ARSG: variants seen among roughly 807,000 people sequenced by gnomAD.
ARSG encodes the protein ASG.
Under a neutral mutation model 50.5 loss-of-function variants are expected in ARSG, and 37 were observed. That is an observed-to-expected ratio of 0.73 (90% CI 0.56 to 0.96). The LOEUF is 0.96. Ranked by LOEUF, ARSG falls within the 50% of genes least tolerant of loss-of-function variation. The pLI is 0.00. For synonymous variants in ARSG, 225 were observed against 254.6 expected (o/e 0.88, Z 1.11); for missense variants, 629 against 675.3 (o/e 0.93, Z 0.76).
chr17:68,389,953 T>C (rs1160008003), intron 9 of ARSG, among the ~76,000 whole-genome samples: 1 of 151,620 alleles, frequency 6.6e-6, no homozygotes, highest in Non-Finnish European at 1.5e-5. Flanking sequence ...CCTGCACACC[T>C]TGGGGTCCAG....
intron 10 of ARSG, among the ~76,000 whole-genome samples, chr17:68,396,771 GGTT>G (rs1043983424): frequency 1.3e-5 from 2 of 152,148 alleles, no homozygotes; most frequent in Non-Finnish European, 2.9e-5. Flanking sequence ...AGTTTTTAGG[GGTT>G]GTTGGATGAA....
rs1382361899 is a variant in ARSG at position 68,401,350 on chromosome 17, C to T, written c.1213-10C>T. On this transcript the variant is annotated splice_polypyrimidine_tract_variant and intron_variant, in intron 10 of 11. Coordinates refer to ENST00000621439, the MANE Select transcript of ARSG (RefSeq NM_001267727.2). ...TTTTTCTATTAGTAAGCTCTGCCAC[C>T]CTTTCTCAGGTGCTGTTCCACCCCA... The T allele has an allele frequency of 3.1e-6, 5 of 1,613,154 alleles. No individual in the cohort carries two copies. In the African/African-American group the frequency reaches 6.7e-5, roughly 22 times the overall value.
At chr17:68,296,702 A>G (rs1555758367) in intron 1 of ARSG, among the ~76,000 whole-genome samples, 1 of 152,180 alleles carries the variant, frequency 6.6e-6, no homozygotes, top group East Asian at 1.9e-4. Context: ...CTGCTCATCC[A>G]TAGCCCACTC....
chr17:68,277,635 G>T (rs2075567141), intron 1 of ARSG, among the ~76,000 whole-genome samples: 1 of 152,064 alleles, frequency 6.6e-6, no homozygotes, highest in African/African-American at 2.4e-5. Flanking sequence ...TCGCCATGTT[G>T]GCCAGCCTGG....
intron 2 of ARSG, among the ~76,000 whole-genome samples, chr17:68,310,051 G>A (rs2076789240): frequency 6.7e-6 from 1 of 149,764 alleles, no homozygotes; most frequent in Non-Finnish European, 1.5e-5. Context: ...TCAGCTCACT[G>A]CAACCTCCAT....
intron 6 of ARSG, among the ~76,000 whole-genome samples, chr17:68,360,831 T>C (rs2079247666): frequency 6.6e-6 from 1 of 152,020 alleles, no homozygotes; most frequent in South Asian, 2.1e-4. Context: ...ATTTCTTAGT[T>C]TTCTTTTTTT....
Position 68,395,830 on chromosome 17 carries a change from C to T in ARSG, c.1212+637C>T, listed in dbSNP as rs112827332. Among the ~76,000 whole-genome samples, 409 of 152,118 alleles carry T rather than the reference C, an allele frequency of 2.7e-3. 3 individuals carry two copies. The highest frequency in any genetic ancestry group is 9.1e-3 in the African/African-American group (378 of 41,460). On this transcript the variant is annotated intron_variant, in intron 10 of 11. Coordinates refer to ENST00000621439, the MANE Select transcript of ARSG (RefSeq NM_001267727.2). ...GAATCTGAGCTGTTGAGTTGAGCTC[C>T]GAGTTCTCACTGCCTGCAGTCAGCC...
intron 2 of ARSG, among the ~76,000 whole-genome samples, chr17:68,328,203 T>C (rs1047953537): frequency 6.6e-6 from 1 of 152,286 alleles, no homozygotes; most frequent in South Asian, 2.1e-4. Context: ...CTCCACACAC[T>C]GAAATGTTCT....
intron 1 of ARSG, chr17:68,272,739 T>C (rs371622082): frequency 9.9e-6 from 16 of 1,613,990 alleles, no homozygotes; most frequent in Middle Eastern, 1.6e-4. Flanking sequence ...TGGTTACAGT[T>C]GGGAGAAAAC....
intron 5 of ARSG, among the ~76,000 whole-genome samples, chr17:68,354,421 A>G (rs796977405): frequency 2.0e-5 from 3 of 151,176 alleles, no homozygotes; most frequent in African/African-American, 4.9e-5. Context: ...TCAAAAAAAA[A>G]AAAAAAGAAA....
chr17:68,338,565 CCACG>C (rs2078130948), intron 2 of ARSG, among the ~76,000 whole-genome samples: 1 of 152,128 alleles, frequency 6.6e-6, no homozygotes, highest in Admixed American at 6.5e-5. Flanking sequence ...CTGCATAGTG[CCACG>C]GCCAGGAGCA....
the ARSG span, among the ~76,000 whole-genome samples, chr17:68,447,169 C>G: frequency 6.6e-6 from 1 of 152,162 alleles, no homozygotes; most frequent in East Asian, 1.9e-4. Flanking sequence ...CAGATTTGGC[C>G]TCAGAGGCTT....
At chr17:68,365,944 TA>T (rs1182644344) in intron 6 of ARSG, among the ~76,000 whole-genome samples, 10 of 152,106 alleles carry the variant, frequency 6.6e-5, no homozygotes, top group Non-Finnish European at 1.3e-4. Context: ...TTATTTAATT[TA>T]TTTTTTTTTT....
chr17:68,424,614 G>A (rs1467475004), downstream of ARSG: 11 of 452,874 alleles, frequency 2.4e-5, no homozygotes, highest in Non-Finnish European at 4.5e-5. Context: ...GGCGGTTCAC[G>A]CCTGTAATCC....
At chr17:68,397,635 T>C (rs111946363) in intron 10 of ARSG, among the ~76,000 whole-genome samples, 14,798 of 152,038 alleles carry the variant, frequency 0.097, 1,775 homozygotes, top group African/African-American at 0.28. Context: ...TATATATATA[T>C]ACACACACAC....
At chr17:68,426,248 G>GGGGGGGGT, downstream of ARSG, 1 of 832,028 alleles carries the variant, frequency 1.2e-6, no homozygotes, top group South Asian at 1.4e-5. Context: ...CGGGTGGGGA[G>GGGGGGGGT]CGGGGGCTCA....
chr17:68,387,295 AT>A (rs2080777377), intron 9 of ARSG, among the ~76,000 whole-genome samples: 1 of 151,844 alleles, frequency 6.6e-6, no homozygotes, highest in African/African-American at 2.4e-5. Context: ...TGCCTGGCTA[AT>A]TTTTTAATTT....
At chr17:68,431,671 G>A in the ARSG span, among the ~76,000 whole-genome samples, 1 of 15,080 alleles carries the variant, frequency 6.6e-5, no homozygotes. Flanking sequence ...GGACCAGCAC[G>A]AGGTGCTAAA....
In ARSG at chr17:68,357,361, C is replaced by T. The variant is rs928467915; in HGVS notation, c.704+557C>T. Among the ~76,000 whole-genome samples, 22 of 152,094 alleles carry T rather than the reference C, an allele frequency of 1.4e-4. 1 individual carries two copies. The highest frequency in any genetic ancestry group is 2.8e-4 in the Non-Finnish European group (19 of 68,020). On this transcript the variant is annotated intron_variant, in intron 6 of 11. Transcript: ENST00000621439. ...GGGAGGATTCCTTCCTTGCCTTTTC[C>T]AGCTTCTGGCATTTCTGAGCTATGG...
Sources: allele counts gnomAD v4.1 joint callset (sites outside exome capture counted in the v4.1 genomes callset), GRCh38; gene constraint gnomAD v4.1.1; transcripts MANE v1.5; gene names NCBI Gene and HGNC (gene_info 2026-07-23, HGNC 2026-07-21).